Variants in NLK observed in about 807,000 individuals in gnomAD.
NLK encodes the protein nemo like kinase.
A neutral mutation model predicts 59.0 loss-of-function variants in NLK; 11 were observed. The ratio of observed to expected loss-of-function variants is 0.19; its 90% CI spans 0.12 to 0.31. NLK has a LOEUF of 0.31. NLK is among the 10% of genes least tolerant of loss of function. The probability of loss-of-function intolerance (pLI) is 1.00; values close to 1 mark genes in which losing one functional copy is unlikely to be tolerated. For synonymous variants in NLK, 235 were observed against 235.9 expected, an observed-to-expected ratio of 1.00 and a Z score of 0.03; for missense variants, 410 against 661.1, an observed-to-expected ratio of 0.62 and a Z score of 4.16.
At chr17:28,095,370 C>G (rs1904664369) in intron 1 of NLK, among the ~76,000 whole-genome samples, 1 of 152,152 alleles carries the variant, frequency 6.6e-6, no homozygotes, top group African/African-American at 2.4e-5. Flanking sequence ...CAGATTCGTT[C>G]CATTCCTAAT....
intron 2 of NLK, among the ~76,000 whole-genome samples, chr17:28,129,237 G>A (rs1906415590): frequency 6.6e-6 from 1 of 152,102 alleles, no homozygotes; most frequent in African/African-American, 2.4e-5. Context: ...GGTGGATCAC[G>A]AGGTCAGGAG....
chr17:28,128,614 A>G (rs1054537134), intron 2 of NLK, among the ~76,000 whole-genome samples: 125 of 152,334 alleles, frequency 8.2e-4, no homozygotes, highest in Admixed American at 2.9e-3. Flanking sequence ...AGTTAACACT[A>G]TGTACCCAAC....
intron 1 of NLK, among the ~76,000 whole-genome samples, chr17:28,105,145 C>G (rs540668094): frequency 3.3e-5 from 5 of 152,246 alleles, no homozygotes; most frequent in Middle Eastern, 6.8e-3. Context: ...TGATTACTAC[C>G]TTGAATCTTC....
chr17:28,064,204 A>G (rs1218098880), intron 1 of NLK, among the ~76,000 whole-genome samples: 4 of 130,020 alleles, frequency 3.1e-5, no homozygotes, highest in Admixed American at 2.4e-4. Context: ...TTTTTTAAAG[A>G]GACAAGGTCT....
Position 28,075,136 on chromosome 17 carries a change from C to T in NLK, c.458+31805C>T, listed in dbSNP as rs569000352. Among the ~76,000 whole-genome samples the T allele has an allele frequency of 6.7e-4, 102 of 152,216 alleles. 1 individual carries two copies. Among genetic ancestry groups the T allele is most frequent in the Middle Eastern group, 3.4e-3 (1 of 294 alleles). On this transcript the variant is annotated intron_variant, in intron 1 of 10. Coordinates refer to ENST00000407008, the MANE Select transcript of NLK (RefSeq NM_016231.5). ...TCACAAGGAGTATTGGCTGTGTTAG[C>T]CTGCTAGTTTACATTATGTGATCTG...
At chr17:28,187,602 G>C (rs374970908) in intron 8 of NLK, among the ~76,000 whole-genome samples, 13 of 152,188 alleles carry the variant, frequency 8.5e-5, no homozygotes, top group African/African-American at 3.1e-4. Context: ...ACCCAGCCTA[G>C]AGATCCCATG....
chr17:28,077,573 G>A lies in NLK; in HGVS notation c.458+34242G>A, dbSNP rs568760566. On this transcript the variant is annotated intron_variant, in intron 1 of 10. Transcript: ENST00000407008. ...TCATTCCTGAGAATTAATTGTCTTG[G>A]AATACTTAAATTATAAACAATTTCT... Among the ~76,000 whole-genome samples the A allele has an allele frequency of 3.3e-5, 5 of 152,160 alleles. No individual in the cohort carries two copies. The South Asian group carries it at 1.0e-3, about 32-fold the overall frequency.
At chr17:28,108,631 A>G (rs1339723022) in intron 1 of NLK, among the ~76,000 whole-genome samples, 1 of 152,270 alleles carries the variant, frequency 6.6e-6, no homozygotes, top group Non-Finnish European at 1.5e-5. Flanking sequence ...ATACTTTAAC[A>G]TAATGTTCTG....
chr17:28,123,153 C>T (rs1185858205), intron 2 of NLK, among the ~76,000 whole-genome samples: 1 of 152,150 alleles, frequency 6.6e-6, no homozygotes, highest in Non-Finnish European at 1.5e-5. Flanking sequence ...AATTGTATGA[C>T]ATGCACAAGC....
intron 1 of NLK, among the ~76,000 whole-genome samples, chr17:28,065,144 G>A (rs1417793381): frequency 6.6e-6 from 1 of 152,064 alleles, no homozygotes; most frequent in African/African-American, 2.4e-5. Context: ...GTACAGAATG[G>A]TTACTGTGGG....
downstream of NLK, chr17:28,196,450 T>C (rs932128951): frequency 2.0e-5 from 3 of 152,484 alleles, no homozygotes; most frequent in Admixed American, 2.0e-4. Context: ...TATCCTGACT[T>C]TGCAAAGTTT....
At chr17:28,086,872 T>A (rs74561366) in intron 1 of NLK, among the ~76,000 whole-genome samples, 1 of 149,938 alleles carries the variant, frequency 6.7e-6, no homozygotes, top group Admixed American at 6.7e-5. Context: ...TAAAAAAAAA[T>A]ATATACATAT....
intron 8 of NLK, among the ~76,000 whole-genome samples, chr17:28,188,954 G>A (rs1272153096): frequency 6.6e-6 from 1 of 151,112 alleles, no homozygotes; most frequent in Non-Finnish European, 1.5e-5. Flanking sequence ...TGTCTGTGGT[G>A]AGATACACAT....
chr17:28,090,199 A>G (rs1904437654), intron 1 of NLK, among the ~76,000 whole-genome samples: 1 of 152,202 alleles, frequency 6.6e-6, no homozygotes, highest in Non-Finnish European at 1.5e-5. Flanking sequence ...TTGGTATTAT[A>G]CTATTTTATG....
chr17:28,075,574 C>G (rs546032493), intron 1 of NLK, among the ~76,000 whole-genome samples: 1 of 152,314 alleles, frequency 6.6e-6, no homozygotes, highest in African/African-American at 2.4e-5. Flanking sequence ...ATTGAGCTCT[C>G]AGACTTACTT....
chr17:28,194,302 C>T (rs1835410634), intron 10 of NLK, among the ~76,000 whole-genome samples: 1 of 152,162 alleles, frequency 6.6e-6, no homozygotes, highest in African/African-American at 2.4e-5. Flanking sequence ...TTATTTCTTT[C>T]CAAATGAGAA....
At chr17:28,179,872 GTTTTTTTTT>G (rs34411493) in intron 7 of NLK, among the ~76,000 whole-genome samples, 1 of 79,412 alleles carries the variant, frequency 1.3e-5, no homozygotes, top group Admixed American at 1.5e-4. Flanking sequence ...AGCATTCTTG[GTTTTTTTTT>G]TTTTTTTTTT....
intron 1 of NLK, among the ~76,000 whole-genome samples, chr17:28,091,258 A>G (rs970680398): frequency 2.0e-5 from 3 of 152,138 alleles, no homozygotes; most frequent in Admixed American, 6.5e-5. Flanking sequence ...ATGTATCAAA[A>G]GTTAAAGTGT....
At chr17:28,154,707 T>C (rs1448721260) in intron 3 of NLK, among the ~76,000 whole-genome samples, 1 of 152,162 alleles carries the variant, frequency 6.6e-6, no homozygotes, top group African/African-American at 2.4e-5. Context: ...TAAAATTCTA[T>C]ATATAGGATG....
Sources: gnomAD v4.1 joint callset for allele counts (sites outside exome capture counted in the v4.1 genomes callset) on GRCh38, gnomAD v4.1.1 for gene constraint, MANE v1.5 for transcripts, NCBI Gene and HGNC (gene_info 2026-07-23, HGNC 2026-07-21) for gene names.